Variants in AMPH observed in about 807,000 individuals in gnomAD.
AMPH encodes the protein amphiphysin (Stiff-Mann syndrome with breast cancer 128kD autoantigen).
Under a neutral mutation model 99.1 loss-of-function variants are expected in AMPH, and 49 were observed. The observed-to-expected ratio is 0.49, with a 90% confidence interval of 0.39 to 0.63. The LOEUF is 0.63. Among genes scored for constraint, AMPH ranks in the 20% least tolerant of loss-of-function variants. The probability of loss-of-function intolerance (pLI) is 0.00; values close to 1 mark genes in which losing one functional copy is unlikely to be tolerated. For synonymous variants in AMPH, 314 were observed against 317.3 expected (o/e 0.99, Z 0.11); for missense variants, 759 against 863.4 (o/e 0.88, Z 1.52).
At chr7:38,429,574 C>A in intron 14 of AMPH, 1 of 1,453,744 alleles carries the variant, frequency 6.9e-7, no homozygotes, top group Non-Finnish European at 9.1e-7. Context: ...TCTGAAGAGT[C>A]AGTCTTTAAA....
chr7:38,393,178 T>C (rs1467204680), intron 18 of AMPH, among the ~76,000 whole-genome samples: 1 of 152,120 alleles, frequency 6.6e-6, no homozygotes, highest in African/African-American at 2.4e-5. Flanking sequence ...TCTTTTAAGT[T>C]CCTTCTCCCA....
chr7:38,456,432 A>AC (rs1181839090), intron 11 of AMPH, among the ~76,000 whole-genome samples: 2 of 152,064 alleles, frequency 1.3e-5, no homozygotes, highest in Non-Finnish European at 2.9e-5. Context: ...CAATCTTGTC[A>AC]CCCCAGTGCT....
intron 16 of AMPH, among the ~76,000 whole-genome samples, chr7:38,419,501 G>C (rs1254208989): frequency 6.6e-6 from 1 of 152,174 alleles, no homozygotes; most frequent in Non-Finnish European, 1.5e-5. Context: ...AAGGAAGAAT[G>C]AGATAAAATT....
At chr7:38,525,277 T>TATATATATATAGAGAGAGAG (rs1481528083) in intron 2 of AMPH, among the ~76,000 whole-genome samples, 25 of 86,642 alleles carry the variant, frequency 2.9e-4, no homozygotes, top group African/African-American at 1.0e-3. Context: ...TATATATATA[T>TATATATATATAGAGAGAGAG]AGAGAGAGAG....
rs533845042 is a variant in AMPH at position 38,631,135 on chromosome 7, G to A, written c.69+148C>T. ...GCCTTGCGGCAGTCACCGAGCTGAGGGCAGGGCGTCCCAGCGTCCCTGGCC... is the reference window on the plus strand; with the variant it reads ...GCCTTGCGGCAGTCACCGAGCTGAGAGCAGGGCGTCCCAGCGTCCCTGGCC... On this transcript the variant is annotated intron_variant, in intron 1 of 20. Transcript: ENST00000356264. 6.2e-6 allele frequency: 4 copies of A among 643,598 alleles called. No homozygotes were observed. The South Asian group carries it at 2.2e-4, about 35-fold the overall frequency. The allele number at this position is 643,598 out of a possible 1,614,324, so 39.9% of individuals were successfully genotyped here.
intron 2 of AMPH, among the ~76,000 whole-genome samples, chr7:38,515,616 T>C (rs1012324973): frequency 9.9e-5 from 15 of 152,108 alleles, no homozygotes; most frequent in Non-Finnish European, 1.5e-5. Flanking sequence ...TGAAATAATA[T>C]GAATAATTGG....
In AMPH at chr7:38,503,706, T is replaced by TA; in HGVS notation, c.151-3dup. The TA allele has an allele frequency of 5.0e-6, 8 of 1,613,876 alleles. No individual in the cohort carries two copies. Among genetic ancestry groups the TA allele is most frequent in the Non-Finnish European group, 6.8e-6 (8 of 1,179,818 alleles). On this transcript the variant is annotated splice_region_variant and splice_polypyrimidine_tract_variant and intron_variant, in intron 2 of 20. Coordinates refer to ENST00000356264, the MANE Select transcript of AMPH (RefSeq NM_001635.4). ...TCGCTGAAGTCTGGTACCCTCTGCC[T>TA]AAAAAACACAAGCACAGATGCTAAA...
chr7:38,524,549 C>T (rs543533391), intron 2 of AMPH, among the ~76,000 whole-genome samples: 4 of 152,144 alleles, frequency 2.6e-5, no homozygotes, highest in Non-Finnish European at 5.9e-5. Flanking sequence ...GGAACTACTG[C>T]TGTGTAGGAT....
chr7:38,591,784 C>G (rs563216266), intron 1 of AMPH, among the ~76,000 whole-genome samples: 1 of 152,368 alleles, frequency 6.6e-6, no homozygotes, highest in South Asian at 2.1e-4. Flanking sequence ...ACTGCCCTGA[C>G]ACTTGTCCCA....
At chr7:38,609,418 T>C (rs1793546015) in intron 1 of AMPH, among the ~76,000 whole-genome samples, 1 of 152,122 alleles carries the variant, frequency 6.6e-6, no homozygotes, top group Admixed American at 6.5e-5. Flanking sequence ...CTGCCCAAAC[T>C]CAGCCACAGT....
chr7:38,401,603 A>G (rs1784842233), intron 17 of AMPH, among the ~76,000 whole-genome samples: 2 of 152,348 alleles, frequency 1.3e-5, no homozygotes, highest in Non-Finnish European at 1.5e-5. Flanking sequence ...TGTGCTCAAA[A>G]TTTGTATGTT....
chr7:38,407,088 G>A (rs962172196), intron 17 of AMPH, among the ~76,000 whole-genome samples: 5,872 of 38,540 alleles, frequency 0.15, 456 homozygotes, highest in Non-Finnish European at 0.21. Context: ...GTGTGTGTGT[G>A]TGTGTGTGTG....
intron 2 of AMPH, among the ~76,000 whole-genome samples, chr7:38,516,994 C>T (rs1048951250): frequency 7.9e-5 from 12 of 152,156 alleles, no homozygotes; most frequent in Non-Finnish European, 1.2e-4. Context: ...TTACCCAATG[C>T]CTGTATCTCT....
chr7:38,615,762 T>C (rs1430668919), intron 1 of AMPH, among the ~76,000 whole-genome samples: 2 of 152,030 alleles, frequency 1.3e-5, no homozygotes, highest in Non-Finnish European at 2.9e-5. Flanking sequence ...AGACCTGAAG[T>C]TGAGATTACC....
intron 3 of AMPH, among the ~76,000 whole-genome samples, chr7:38,495,085 A>G (rs1260428565): frequency 6.6e-6 from 1 of 152,176 alleles, no homozygotes; most frequent in African/African-American, 2.4e-5. Context: ...ACAAAGAAAA[A>G]AAGTTTGTCA....
At chr7:38,422,527 C>A in intron 15 of AMPH, 50 bp from the exon 16 acceptor site, 1 of 1,394,168 alleles carries the variant, frequency 7.2e-7, no homozygotes, top group South Asian at 1.2e-5. Context: ...ATATTTAAAT[C>A]AGCTACCATC....
intron 1 of AMPH, among the ~76,000 whole-genome samples, chr7:38,561,220 G>A (rs1311021163): frequency 6.6e-6 from 1 of 152,226 alleles, no homozygotes; most frequent in Admixed American, 6.5e-5. Context: ...TTTGGAAATA[G>A]GTAGGTGTTG....
intron 1 of AMPH, among the ~76,000 whole-genome samples, chr7:38,551,642 C>T (rs1287887449): frequency 1.3e-5 from 2 of 152,056 alleles, no homozygotes; most frequent in African/African-American, 2.4e-5. Context: ...ATGCCCAGGA[C>T]CTAAATAGTG....
chr7:38,539,848 A>G lies in AMPH; in HGVS notation c.70-4837T>C, dbSNP rs181577408. Among the ~76,000 whole-genome samples the G allele has an allele frequency of 1.7e-3, 256 of 152,358 alleles. 2 individuals are homozygous for G. The highest frequency in any genetic ancestry group is 5.8e-3 in the African/African-American group (242 of 41,594). On this transcript the variant is annotated intron_variant, in intron 1 of 20. Coordinates refer to ENST00000356264, the MANE Select transcript of AMPH (RefSeq NM_001635.4). ...AGCAGTTTTGTGATTTTTCTCCAGCAGCCTCAATGGAGGTGGGAAGACTGA... is the reference window on the plus strand; with the variant it reads ...AGCAGTTTTGTGATTTTTCTCCAGCGGCCTCAATGGAGGTGGGAAGACTGA...
Sources: gnomAD v4.1 joint callset for allele counts (sites outside exome capture counted in the v4.1 genomes callset) on GRCh38, gnomAD v4.1.1 for gene constraint, MANE v1.5 for transcripts, NCBI Gene and HGNC (gene_info 2026-07-23, HGNC 2026-07-21) for gene names.